Variants in ALG1 observed in about 807,000 individuals in gnomAD.
The protein encoded by ALG1 is ALG1 chitobiosyldiphosphodolichol beta-mannosyltransferase, also known as chitobiosyldiphosphodolichol beta-mannosyltransferase.
A neutral mutation model predicts 55.1 loss-of-function variants in ALG1; 58 were observed. The observed-to-expected ratio is 1.05, with a 90% CI of 0.85 to 1.31. The LOEUF (loss-of-function observed/expected upper bound fraction) is 1.31. Ranked by LOEUF, ALG1 falls within the 50% of genes most tolerant of loss-of-function variation. ALG1 has a pLI of 0.00. For missense variants in ALG1, 761 were observed against 598.6 expected, an observed-to-expected ratio of 1.27 and a Z score of -2.83; for synonymous variants, 309 against 247.0, an observed-to-expected ratio of 1.25 and a Z score of -2.35.
intron 1 of ALG1, among the ~76,000 whole-genome samples, 192 bp from the exon 2 acceptor site, chr16:5,072,759 T>C (rs938890412): frequency 5.9e-5 from 9 of 152,226 alleles, no homozygotes; most frequent in African/African-American, 1.9e-4. Context: ...TCAGGCCCTA[T>C]CTCTGTGTGC....
Position 5,072,411 on chromosome 16 carries a change from T to C in ALG1, c.208+354T>C, listed in dbSNP as rs565855640. The C allele has an allele frequency of 3.9e-5, 21 of 535,962 alleles. No individual in the cohort carries two copies. In the African/African-American group the frequency reaches 4.0e-4, roughly 10 times the overall value. 33.2% of individuals were successfully genotyped at this position (535,962 alleles called of 1,614,324 possible). On this transcript the variant is annotated intron_variant, in intron 1 of 12. Transcript: ENST00000262374. ...CTGAGCTGACAGGATATTTCATTCC[T>C]CATCCCTCAACGCAGAGCTCTGCAG...
At chr16:5,072,899 G>C in intron 1 of ALG1, 52 bp from the exon 2 acceptor site, 1 of 1,526,318 alleles carries the variant, frequency 6.6e-7, no homozygotes, top group Non-Finnish European at 9.1e-7. Context: ...GAGATTATCT[G>C]ACTTTAGATT....
Position 5,085,288 on chromosome 16 carries a change from G to A in ALG1, c.*407G>A. On this transcript the variant is annotated 3_prime_UTR_variant, in exon 13 of 13. Coordinates refer to ENST00000262374, the MANE Select transcript of ALG1 (RefSeq NM_019109.5). ...TAAGCCCAGGGATGTGGCAGCTGCA[G>A]TGGGCTTGGCTTTGTGAGGAACTGA... is the stretch of plus-strand genomic sequence containing the variant. 3 of 491,936 alleles carry A rather than the reference G, an allele frequency of 6.1e-6. No individual in the cohort carries two copies. The highest frequency in any genetic ancestry group is 1.1e-5 in the Non-Finnish European group (3 of 269,856). 30.5% of individuals were successfully genotyped at this position (491,936 alleles called of 1,614,324 possible). A position where few individuals can be genotyped will look rare whatever the true frequency, so the allele number is the denominator to read the frequency against.
chr16:5,072,258 A>C, intron 1 of ALG1: 1 of 1,465,700 alleles, frequency 6.8e-7, no homozygotes. Flanking sequence ...CACGTGTCAG[A>C]AGTGTGTTAA....
rs1956892181 is a variant in ALG1, at chr16:5,075,407, G to C, written c.410G>C (p.Ser137Thr). 3.1e-6 allele frequency: 5 copies of C among 1,613,990 alleles called. No homozygotes were observed. The highest frequency in any genetic ancestry group is 1.3e-5 in the African/African-American group (1 of 74,896). The change falls in exon 4 of 13, where the codon AGC (serine) becomes ACC (threonine). Residue 137 changes from serine (S) to threonine (T), a missense_variant. By Grantham distance (58) the Ser-to-Thr change is moderately conservative (BLOSUM62 1). Transcript: ENST00000262374. Reference sequence around the variant, plus strand: ...TCCTAGAACCCCCCAGGTCTGCCTAGCATTGCTGTCTGCTGGTTCGTGGGC... The same window carrying C: ...TCCTAGAACCCCCCAGGTCTGCCTACCATTGCTGTCTGCTGGTTCGTGGGC... ...IFLQNPPGLP[S>T]IAVCWFVGCL... is the part of the protein sequence containing the mutation.
rs567864126 is a variant in ALG1 at position 5,085,722 on chromosome 16, C to T, written c.*841C>T. On this transcript the variant is annotated 3_prime_UTR_variant, in exon 13 of 13. Coordinates refer to ENST00000262374, the MANE Select transcript of ALG1 (RefSeq NM_019109.5). Reference sequence around the variant, plus strand: ...GACGAGGTTCCACTTCCCATCTGATCCCGGCCCGGCCTGGAAACAGAGCAC... The same window carrying T: ...GACGAGGTTCCACTTCCCATCTGATTCCGGCCCGGCCTGGAAACAGAGCAC... The T allele has an allele frequency of 1.2e-6, 2 of 1,611,260 alleles. No individual in the cohort carries two copies. The highest frequency in any genetic ancestry group is 4.5e-5 in the East Asian group (2 of 44,870).
Position 5,073,060 on chromosome 16 carries a change from A to T in ALG1, c.286+32A>T, listed in dbSNP as rs1030188934. 1.9e-6 allele frequency: 3 copies of T among 1,612,752 alleles called. No individual in the cohort carries two copies. In the East Asian group the frequency reaches 6.7e-5, roughly 36 times the overall value. The stretch of plus-strand genomic sequence containing the variant: ...TGCCGTCAACTCCAGAATCCTCTGA[A>T]TCCATGGGCTGGGGGCAGGGGGTGT... On this transcript the variant is annotated intron_variant, in intron 2 of 12. Coordinates refer to ENST00000262374, the MANE Select transcript of ALG1 (RefSeq NM_019109.5).
chr16:5,072,934 T>A lies in ALG1; in HGVS notation c.209-17T>A. ...TGCTGCTTCTGGTACATTAAAGGGA[T>A]CATTCTCATTTTTCAGACTCCAAAC... On this transcript the variant is annotated splice_polypyrimidine_tract_variant and intron_variant, in intron 1 of 12. Coordinates refer to ENST00000262374, the MANE Select transcript of ALG1 (RefSeq NM_019109.5). The A allele has an allele frequency of 6.2e-7, 1 of 1,610,292 alleles. No individual in the cohort carries two copies.
intron 11 of ALG1, 86 bp from the exon 12 acceptor site, chr16:5,083,596 G>A (rs1213831283): frequency 6.3e-7 from 1 of 1,594,396 alleles, no homozygotes; most frequent in Non-Finnish European, 8.5e-7. Flanking sequence ...CTTGAGCATG[G>A]GGTGTGTGGG....
At chr16:5,083,281 G>A (rs1276264510) in intron 11 of ALG1, among the ~76,000 whole-genome samples, 1 of 152,202 alleles carries the variant, frequency 6.6e-6, no homozygotes, top group African/African-American at 2.4e-5. Flanking sequence ...CGTGTGAGCT[G>A]AGCTCAGGGA....
At position 5,077,463 on chromosome 16, in the gene ALG1, G is replaced by A; in HGVS notation, c.558G>A (p.Gly186=). 6.2e-7 allele frequency: 1 copy of A among 1,614,186 alleles called. No homozygotes were observed. Residue 186 remains glycine, a synonymous_variant, in exon 5 of 13, where the codon GGG becomes GGA. Transcript: ENST00000262374. ...LLAKWYEKFF[G]RLSHLNLCVT... Reference sequence around the variant, plus strand: ...TTTTCAGGTACGAGAAGTTCTTTGGGCGCCTGTCCCACCTGAACCTGTGTG... The same window carrying A: ...TTTTCAGGTACGAGAAGTTCTTTGGACGCCTGTCCCACCTGAACCTGTGTG...
intron 10 of ALG1, 51 bp downstream of exon 10, chr16:5,081,107 C>A: frequency 1.8e-5 from 5 of 283,564 alleles, no homozygotes; most frequent in Non-Finnish European, 3.2e-5. Flanking sequence ...ACAGGGTGGG[C>A]GGGATGTACT....
intron 6 of ALG1, 75 bp downstream of exon 6, chr16:5,078,092 T>G (rs1405727970): frequency 2.0e-6 from 3 of 1,526,814 alleles, no homozygotes; most frequent in Admixed American, 3.5e-5. Flanking sequence ...ACTGCAGACC[T>G]GGGAACCCAC....
At chr16:5,075,189 C>T (rs566774799) in intron 3 of ALG1, among the ~76,000 whole-genome samples, 199 bp from the exon 4 acceptor site, 1 of 152,218 alleles carries the variant, frequency 6.6e-6, no homozygotes, top group South Asian at 2.1e-4. Context: ...CAGGCATCAG[C>T]CACCGCACCT....
chr16:5,079,626 T>G, intron 8 of ALG1, 122 bp from the exon 9 acceptor site: 2 of 1,139,572 alleles, frequency 1.8e-6, no homozygotes, highest in South Asian at 2.5e-5. Context: ...GAGGCAGAGG[T>G]TGCAGTGAGC....
intron 5 of ALG1, 82 bp from the exon 6 acceptor site, chr16:5,077,822 CCTT>C (rs1956940498): frequency 2.3e-6 from 3 of 1,285,384 alleles, no homozygotes; most frequent in African/African-American, 1.5e-5. Context: ...CCCCAAGCGT[CCTT>C]CTTTTCCTGG....
Position 5,077,637 on chromosome 16 carries a change from T to C in ALG1, c.629+103T>C, listed in dbSNP as rs371597701. On this transcript the variant is annotated intron_variant, in intron 5 of 12. Transcript: ENST00000262374. Reference sequence around the variant, plus strand: ...GCTGCCGTCCTGCTGAGGGGCAATTTGAAATACTGAGGGCCTGGGAGGTGG... The same window carrying C: ...GCTGCCGTCCTGCTGAGGGGCAATTCGAAATACTGAGGGCCTGGGAGGTGG... The C allele has an allele frequency of 2.7e-4, 341 of 1,252,900 alleles. 2 individuals are homozygous for C. The highest frequency in any genetic ancestry group is 2.2e-3 in the Middle Eastern group (10 of 4,638). The allele number at this position is 1,252,900 out of a possible 1,614,324, so 77.6% of individuals were successfully genotyped here.
chr16:5,078,160 G>C, intron 6 of ALG1, 143 bp downstream of exon 6: 1 of 936,304 alleles, frequency 1.1e-6, no homozygotes, highest in Non-Finnish European at 1.7e-6. Context: ...TGTAAATCAA[G>C]TTTCACTGGG....
chr16:5,081,596 C>G (rs79285890), intron 10 of ALG1, among the ~76,000 whole-genome samples: 1 of 152,142 alleles, frequency 6.6e-6, no homozygotes, highest in Non-Finnish European at 1.5e-5. Context: ...TAGACAGTCT[C>G]GCTCCGTTGC....
Sources: gnomAD v4.1 joint callset for allele counts (sites outside exome capture counted in the v4.1 genomes callset) on GRCh38, gnomAD v4.1.1 for gene constraint, MANE v1.5 for transcripts, NCBI Gene and HGNC (gene_info 2026-07-23, HGNC 2026-07-21) for gene names.